ITPR1: variants seen among roughly 807,000 people sequenced by gnomAD.
ITPR1 encodes inositol 1,4,5-trisphosphate-gated calcium channel ITPR1.
ITPR1 carries 96 observed loss-of-function variants against 318.4 expected under a neutral mutation model. The observed-to-expected ratio is 0.30, with a 90% CI of 0.26 to 0.36. The LOEUF (loss-of-function observed/expected upper bound fraction) is 0.36. Among genes scored for constraint, ITPR1 ranks in the 10% least tolerant of loss-of-function variants. ITPR1 has a pLI of 1.00. For missense variants in ITPR1, 2,440 were observed against 3,460.2 expected, an observed-to-expected ratio of 0.71 and a Z score of 7.40; for synonymous variants, 1,312 against 1,289.9, an observed-to-expected ratio of 1.02 and a Z score of -0.37.
At chr3:4,728,528 A>G (rs765850834) in intron 42 of ITPR1, among the ~76,000 whole-genome samples, 2 of 152,164 alleles carry the variant, frequency 1.3e-5, no homozygotes, top group Non-Finnish European at 2.9e-5. Flanking sequence ...ACACAATGTG[A>G]AATACACACA....
In ITPR1 at chr3:4,827,282, C is replaced by T. The variant is rs181036295; in HGVS notation, c.8028+9040C>T. ...TGTAACTCCCCTGCTTCAACTCCTT[C>T]ATTTCCTGTGTATTCTAAATATTGA... On this transcript the variant is annotated intron_variant, in intron 60 of 61. Transcript: ENST00000649015. Among the ~76,000 whole-genome samples, 272 of 152,340 alleles carry T rather than the reference C, an allele frequency of 1.8e-3. 10 individuals are homozygous for T. In the South Asian group the frequency reaches 0.036, roughly 20 times the overall value.
chr3:4,589,155 T>C (rs191727788), intron 4 of ITPR1, among the ~76,000 whole-genome samples: 22 of 152,230 alleles, frequency 1.4e-4, no homozygotes, highest in African/African-American at 4.8e-4. Context: ...AAATGCTGTC[T>C]CATTGTGTCT....
chr3:4,551,565 G>A (rs757652426), intron 4 of ITPR1, among the ~76,000 whole-genome samples: 1 of 152,204 alleles, frequency 6.6e-6, no homozygotes, highest in Non-Finnish European at 1.5e-5. Flanking sequence ...GCTGACGTTG[G>A]TTCTTGCTCA....
intron 44 of ITPR1, among the ~76,000 whole-genome samples, chr3:4,762,501 C>T (rs1050572188): frequency 1.3e-5 from 2 of 152,240 alleles, no homozygotes; most frequent in Non-Finnish European, 2.9e-5. Flanking sequence ...TCACTTTGCT[C>T]TCCTGTCCTA....
chr3:4,727,539 C>T (rs1284652186), intron 42 of ITPR1, among the ~76,000 whole-genome samples: 1 of 152,100 alleles, frequency 6.6e-6, no homozygotes, highest in Admixed American at 6.6e-5. Context: ...TTCATAATTA[C>T]ATTACCTAGC....
At chr3:4,784,566 G>T (rs375770137) in intron 51 of ITPR1, among the ~76,000 whole-genome samples, 260 of 135,284 alleles carry the variant, frequency 1.9e-3, no homozygotes, top group South Asian at 8.1e-3. Flanking sequence ...TGTGTTTTTT[G>T]TTTTTTTTTT....
chr3:4,528,141 C>T (rs1392573868), intron 4 of ITPR1, among the ~76,000 whole-genome samples: 1 of 152,160 alleles, frequency 6.6e-6, no homozygotes, highest in Non-Finnish European at 1.5e-5. Flanking sequence ...ATGAACTGCT[C>T]CAATACCTTG....
intron 4 of ITPR1, among the ~76,000 whole-genome samples, chr3:4,538,074 T>C (rs1326329093): frequency 6.6e-6 from 1 of 152,220 alleles, no homozygotes; most frequent in African/African-American, 2.4e-5. Context: ...AGATTTATTT[T>C]GTTCTTCCTT....
intron 50 of ITPR1, 102 bp downstream of exon 50, chr3:4,782,843 C>G: frequency 1.8e-6 from 2 of 1,119,920 alleles, no homozygotes; most frequent in South Asian, 2.6e-5. Flanking sequence ...ATGACTTTAA[C>G]CTAGGACTGT....
chr3:4,697,298 A>C, intron 34 of ITPR1, 26 bp downstream of exon 34: 1 of 1,535,600 alleles, frequency 6.5e-7, no homozygotes, highest in South Asian at 1.2e-5. Context: ...CTGAGGAGGC[A>C]GAGTTGGAGA....
chr3:4,791,373 C>A (rs577783362), intron 52 of ITPR1, among the ~76,000 whole-genome samples: 47 of 152,278 alleles, frequency 3.1e-4, no homozygotes, highest in African/African-American at 1.1e-3. Flanking sequence ...ATGAAACTGT[C>A]CCACCTCAGA....
In ITPR1 at chr3:4,657,393, TTTTG is replaced by T. The variant is rs1223337949; in HGVS notation, c.997-727_997-724del. 4.0e-5 allele frequency among the ~76,000 whole-genome samples: 6 copies of T among 151,410 alleles called. No individual in the cohort carries two copies. The East Asian group carries it at 7.7e-4, about 20-fold the overall frequency. ...CGGATGGATGTACCTAGAGTTTTTT[TTTTG>T]TTTTTTTTTTTTAATCATCTGGAGC... is the stretch of plus-strand genomic sequence containing the variant. On this transcript the variant is annotated intron_variant, in intron 12 of 61. Coordinates refer to ENST00000649015, the MANE Select transcript of ITPR1 (RefSeq NM_001378452.1).
intron 52 of ITPR1, among the ~76,000 whole-genome samples, chr3:4,789,165 G>A (rs145878085): frequency 6.6e-4 from 100 of 152,282 alleles, no homozygotes; most frequent in African/African-American, 2.4e-3. Flanking sequence ...GCACCTCCCT[G>A]TGCAGCACCT....
rs1487091489 is a variant in ITPR1, at chr3:4,604,884, G to A, written c.164-22879G>A. On this transcript the variant is annotated intron_variant, in intron 4 of 61. Transcript: ENST00000649015. ...TCGTGAGTCCTCAGATATGATGCCC[G>A]GGGTAGGACACAACCCCTGCATGGA... Among the ~76,000 whole-genome samples the A allele has an allele frequency of 3.9e-5, 6 of 152,186 alleles. 1 individual carries two copies. The highest frequency in any genetic ancestry group is 3.4e-3 in the Middle Eastern group (1 of 294).
rs2094027239 is a variant in ITPR1, at chr3:4,669,556, A to C, written c.1887-98A>C. The C allele has an allele frequency of 3.4e-6, 4 of 1,174,938 alleles. No homozygotes were observed. The African/African-American group carries it at 4.6e-5, about 14-fold the overall frequency. 72.8% of individuals were successfully genotyped at this position (1,174,938 alleles called of 1,614,324 possible). On this transcript the variant is annotated intron_variant, in intron 18 of 61. Transcript: ENST00000649015. ...AGAATGCTGCTGACATGTCTTGGTA[A>C]AGGTATGTTGGACCTGTGCACTTAA...
At chr3:4,598,280 G>T (rs1168715087) in intron 4 of ITPR1, among the ~76,000 whole-genome samples, 1 of 152,182 alleles carries the variant, frequency 6.6e-6, no homozygotes, top group Non-Finnish European at 1.5e-5. Flanking sequence ...TAGCAAGGAG[G>T]TCCTCTCCTC....
At chr3:4,635,610 G>T (rs1232492445) in intron 5 of ITPR1, among the ~76,000 whole-genome samples, 1 of 152,100 alleles carries the variant, frequency 6.6e-6, no homozygotes, top group Non-Finnish European at 1.5e-5. Context: ...CTCCCAAAGT[G>T]CTGGGATTAC....
At chr3:4,563,191 C>T (rs981475713) in intron 4 of ITPR1, among the ~76,000 whole-genome samples, 22 of 152,226 alleles carry the variant, frequency 1.4e-4, no homozygotes, top group Admixed American at 9.8e-4. Flanking sequence ...GGCCCATGCA[C>T]ACCTCAGGGA....
chr3:4,579,444 T>G (rs1336856104), intron 4 of ITPR1, among the ~76,000 whole-genome samples: 1 of 152,152 alleles, frequency 6.6e-6, no homozygotes, highest in Admixed American at 6.5e-5. Flanking sequence ...AATAATAGAT[T>G]AGAGGAAGTA....
Sources: gnomAD v4.1 joint callset for allele counts (sites outside exome capture counted in the v4.1 genomes callset) on GRCh38, gnomAD v4.1.1 for gene constraint, MANE v1.5 for transcripts, NCBI Gene and HGNC (gene_info 2026-07-23, HGNC 2026-07-21) for gene names.